The following TMPRSS15 variants were observed in gnomAD, a reference collection of about 807,000 sequenced individuals.
TMPRSS15 encodes the protein transmembrane serine protease 15.
TMPRSS15 carries 128 observed loss-of-function variants against 125.3 expected under a neutral mutation model. That is an observed-to-expected ratio of 1.02 (90% confidence interval 0.89 to 1.18). The LOEUF (loss-of-function observed/expected upper bound fraction) is 1.18. Ranked by LOEUF, TMPRSS15 falls within the 50% of genes most tolerant of loss-of-function variation. The pLI is 0.00. For synonymous variants in TMPRSS15, 446 were observed against 423.2 expected, an observed-to-expected ratio of 1.05 and a Z score of -0.66; for missense variants, 1,283 against 1,212.7, an observed-to-expected ratio of 1.06 and a Z score of -0.86.
chr21:18,414,086 T>TA (rs1460433777), intron 1 of TMPRSS15, among the ~76,000 whole-genome samples: 1 of 152,194 alleles, frequency 6.6e-6, no homozygotes, highest in East Asian at 1.9e-4. Context: ...CATAGAAACT[T>TA]AATAGACTGT....
intron 7 of TMPRSS15, among the ~76,000 whole-genome samples, chr21:18,361,511 A>C (rs907172944): frequency 6.6e-6 from 1 of 152,158 alleles, no homozygotes; most frequent in Admixed American, 6.6e-5. Context: ...CATGGAGGAT[A>C]CTGAGTGAAC....
At chr21:18,357,820 C>A (rs910711623) in intron 8 of TMPRSS15, among the ~76,000 whole-genome samples, 1 of 151,696 alleles carries the variant, frequency 6.6e-6, no homozygotes, top group African/African-American at 2.4e-5. Context: ...TTCTACAATA[C>A]ACCAGACTTT....
intron 17 of TMPRSS15, 116 bp from the exon 18 acceptor site, chr21:18,313,193 A>C: frequency 1.3e-6 from 1 of 778,796 alleles, no homozygotes; most frequent in Non-Finnish European, 2.2e-6. Context: ...AGTTCATGAG[A>C]TCTCTTGCAC....
At chr21:18,280,863 G>A (rs1016892351) in intron 22 of TMPRSS15, among the ~76,000 whole-genome samples, 177 bp downstream of exon 22, 10 of 152,114 alleles carry the variant, frequency 6.6e-5, no homozygotes, top group Admixed American at 6.5e-5. Context: ...TAAACATCCT[G>A]ATGAAAGAAA....
At chr21:18,350,908 C>A (rs573352414) in intron 10 of TMPRSS15, among the ~76,000 whole-genome samples, 2 of 151,764 alleles carry the variant, frequency 1.3e-5, no homozygotes, top group Non-Finnish European at 2.9e-5. Context: ...AATAAAAGAA[C>A]AAAATAATAC....
chr21:18,326,781 C>A (rs1182313710), intron 15 of TMPRSS15, among the ~76,000 whole-genome samples: 1 of 152,316 alleles, frequency 6.6e-6, no homozygotes, highest in East Asian at 1.9e-4. Context: ...TTTGATATTT[C>A]TTGAGGTTTG....
chr21:18,449,610 C>T (rs1220550403), intron 1 of TMPRSS15, among the ~76,000 whole-genome samples: 1 of 152,004 alleles, frequency 6.6e-6, no homozygotes. Context: ...TTTGTGACTG[C>T]CTATGAGCTA....
intron 18 of TMPRSS15, among the ~76,000 whole-genome samples, chr21:18,307,307 G>A (rs1298910543): frequency 6.6e-6 from 1 of 152,140 alleles, no homozygotes; most frequent in Non-Finnish European, 1.5e-5. Context: ...TACTACTTGT[G>A]TTACAGACAC....
At chr21:18,326,963 T>C (rs1483031266) in intron 15 of TMPRSS15, among the ~76,000 whole-genome samples, 2 of 152,164 alleles carry the variant, frequency 1.3e-5, no homozygotes, top group African/African-American at 2.4e-5. Flanking sequence ...TATTCAGTAT[T>C]TTTTTGTATG....
chr21:18,403,450 C>T (rs1329138730), intron 1 of TMPRSS15, 28 bp downstream of exon 1: 1 of 1,614,020 alleles, frequency 6.2e-7, no homozygotes, highest in South Asian at 1.1e-5. Flanking sequence ...CTGAGAGCAC[C>T]TTCACGAGCC....
At chr21:18,393,983 C>A (rs190647401) in intron 3 of TMPRSS15, among the ~76,000 whole-genome samples, 1 of 152,230 alleles carries the variant, frequency 6.6e-6, no homozygotes, top group Non-Finnish European at 1.5e-5. Context: ...TAAGTAAGCC[C>A]TATATGTGTG....
At chr21:18,430,663 G>A (rs2076214798) in intron 1 of TMPRSS15, among the ~76,000 whole-genome samples, 1 of 152,092 alleles carries the variant, frequency 6.6e-6, no homozygotes. Flanking sequence ...CCAAATATTA[G>A]CTTGTCAAAT....
At chr21:18,447,261 T>C (rs571081204) in intron 1 of TMPRSS15, among the ~76,000 whole-genome samples, 1 of 151,668 alleles carries the variant, frequency 6.6e-6, no homozygotes, top group Non-Finnish European at 1.5e-5. Context: ...CTGGCCAATA[T>C]GGTGAAACCC....
intron 7 of TMPRSS15, among the ~76,000 whole-genome samples, chr21:18,360,791 G>T (rs920718270): frequency 6.6e-6 from 1 of 151,776 alleles, no homozygotes; most frequent in Non-Finnish European, 1.5e-5. Context: ...TACATTTTTG[G>T]ATTTTTTTTC....
intron 17 of TMPRSS15, 70 bp from the exon 18 acceptor site, chr21:18,313,147 C>A: frequency 1.9e-6 from 2 of 1,061,126 alleles, no homozygotes; most frequent in South Asian, 1.3e-5. Context: ...AGACATCGTT[C>A]AAAGAGTACA....
At chr21:18,357,804 T>C (rs142673561) in intron 8 of TMPRSS15, among the ~76,000 whole-genome samples, 301 of 151,896 alleles carry the variant, frequency 2.0e-3, no homozygotes, top group African/African-American at 6.6e-3. Context: ...TAAACAAACC[T>C]TGAGTTTCTA....
chr21:18,475,248 GAT>G (rs1216256066), intron 1 of TMPRSS15, among the ~76,000 whole-genome samples: 1 of 152,000 alleles, frequency 6.6e-6, no homozygotes, highest in Non-Finnish European at 1.5e-5. Flanking sequence ...TTTTAAAACT[GAT>G]ATAAAGATTG....
In TMPRSS15 at chr21:18,278,952, CT is replaced by C; in HGVS notation, c.2764+11del. The C allele has an allele frequency of 1.0e-5, 3 of 286,900 alleles. No individual in the cohort carries two copies. The South Asian group carries it at 1.0e-4, about 10-fold the overall frequency. The allele number at this position is 286,900 out of a possible 1,614,324, so 17.8% of individuals were successfully genotyped here. On this transcript the variant is annotated intron_variant, in intron 23 of 24. Transcript: ENST00000284885. ...TTTTTTTTTTTTTTTTTTTTTGAGT[CT>C]GATAATTTACCTTGATATACAACCG...
At chr21:18,439,488 T>C (rs1342867700) in intron 1 of TMPRSS15, among the ~76,000 whole-genome samples, 2 of 152,198 alleles carry the variant, frequency 1.3e-5, no homozygotes, top group Non-Finnish European at 2.9e-5. Context: ...TTTTTAAACA[T>C]AGAACATTTA....
Sources: gnomAD v4.1 joint callset for allele counts (sites outside exome capture counted in the v4.1 genomes callset) on GRCh38, gnomAD v4.1.1 for gene constraint, MANE v1.5 for transcripts, NCBI Gene and HGNC (gene_info 2026-07-23, HGNC 2026-07-21) for gene names.